KIF12: variants seen among roughly 807,000 people sequenced by gnomAD.
The protein encoded by KIF12 is kinesin family member 12.
In KIF12, 80 loss-of-function variants were observed where a neutral mutation model predicts 87.9. The observed-to-expected ratio is 0.91, with a 90% CI of 0.76 to 1.10. The LOEUF is 1.10. KIF12 is among the 50% of genes least tolerant of loss of function. The probability of loss-of-function intolerance (pLI) is 0.00; values close to 1 mark genes in which losing one functional copy is unlikely to be tolerated. For missense variants in KIF12, 819 were observed against 865.3 expected, an observed-to-expected ratio of 0.95 and a Z score of 0.67; for synonymous variants, 353 against 348.5, an observed-to-expected ratio of 1.01 and a Z score of -0.14.
Position 114,098,398 on chromosome 9 carries a change from G to C in KIF12, c.203C>G (p.Ala68Gly). ...GTCTAGCACCGCACCGAAGCGGAAC[G>C]CCACTTCTGGACCCCCGCCTGGAGG... is the stretch of plus-strand genomic sequence containing the variant. ...VSPPGGGPEV[A>G]FRFGAVLDAA... The change falls in exon 4 of 19, where the codon GCG becomes GGG. Residue 68 changes from alanine to glycine, a missense_variant. Coordinates refer to ENST00000640217, the MANE Select transcript of KIF12 (RefSeq NM_001388308.1). 1 of 1,512,034 alleles carries C rather than the reference G, an allele frequency of 6.6e-7. No individual in the cohort carries two copies. The highest frequency in any genetic ancestry group is 8.8e-7 in the Non-Finnish European group (1 of 1,136,800). 93.7% of individuals were successfully genotyped at this position (1,512,034 alleles called of 1,614,324 possible). A position where few individuals can be genotyped will look rare whatever the true frequency, so the allele number is the denominator to read the frequency against.
rs1265278492 is a variant in KIF12, at chr9:114,098,477, G to A, written c.172-48C>T. The A allele has an allele frequency of 3.3e-5, 46 of 1,411,338 alleles. No individual in the cohort carries two copies. In the East Asian group the frequency reaches 1.1e-3, roughly 33 times the overall value. 87.4% of individuals were successfully genotyped at this position (1,411,338 alleles called of 1,614,324 possible). The stretch of plus-strand genomic sequence containing the variant: ...GCGGGGCACTCTGGAGGAGGGCGGG[G>A]CACCCTGGAGGGGCGGGGCACCGTG... On this transcript the variant is annotated intron_variant, in intron 3 of 18. Transcript: ENST00000640217.
At chr9:114,098,900 T>C in intron 3 of KIF12, 35 bp downstream of exon 3, 1 of 1,537,446 alleles carries the variant, frequency 6.5e-7, no homozygotes, top group Non-Finnish European at 8.8e-7. Flanking sequence ...TCCCCGGGAT[T>C]TTTTATTGGG....
rs1588508331 is a variant in KIF12, at chr9:114,097,974, C to T, written c.375+141G>A. On this transcript the variant is annotated intron_variant, in intron 5 of 18. Coordinates refer to ENST00000640217, the MANE Select transcript of KIF12 (RefSeq NM_001388308.1). The stretch of plus-strand genomic sequence containing the variant: ...GGGCAAGTCCCTTCTCTTTGGTCCT[C>T]AGCGTCCTCGTCTGCAAACAAGCGG... 10 of 995,590 alleles carry T rather than the reference C, an allele frequency of 1.0e-5. No individual in the cohort carries two copies. The East Asian group carries it at 2.4e-4, about 24-fold the overall frequency. 61.7% of individuals were successfully genotyped at this position (995,590 alleles called of 1,614,324 possible). A position where few individuals can be genotyped will look rare whatever the true frequency, so the allele number is the denominator to read the frequency against.
intron 5 of KIF12, 152 bp from the exon 6 acceptor site, chr9:114,097,893 A>G: frequency 1.9e-6 from 2 of 1,058,008 alleles, no homozygotes; most frequent in Non-Finnish European, 2.7e-6. Flanking sequence ...CATTTTACAG[A>G]TGAGAAAACT....
rs1389414296 is a variant in KIF12 at position 114,092,396 on chromosome 9, C to T, written c.1753G>A (p.Glu585Lys). 3.1e-6 allele frequency: 5 copies of T among 1,612,980 alleles called. No homozygotes were observed. The South Asian group carries it at 5.5e-5, about 18-fold the overall frequency. Residue 585 changes from glutamate (E) to lysine (K), a missense_variant, in exon 18 of 19, where the codon GAG (glutamate) becomes AAG (lysine). Coordinates refer to ENST00000640217, the MANE Select transcript of KIF12 (RefSeq NM_001388308.1). ...AGGGGAGGTGCAGAAGGTACCACCT[C>T]CTCCTCCGTCAACATCTCTGCCAGG... ...RVLAEMLTEE[E>K]VVPSAPPLPV...
At position 114,092,469 on chromosome 9, in the gene KIF12, G is replaced by T. The variant is rs746117489; in HGVS notation, c.1698-18C>A. ...TGTGACTCCTGGGCCAGGGTGAGTT[G>T]GGAGATGGGAGGTGAGCCTTTGAGT... is the stretch of plus-strand genomic sequence containing the variant. On this transcript the variant is annotated intron_variant, in intron 17 of 18. Coordinates refer to ENST00000640217, the MANE Select transcript of KIF12 (RefSeq NM_001388308.1). 1 of 1,613,662 alleles carries T rather than the reference G, an allele frequency of 6.2e-7. No homozygotes were observed. The highest frequency in any genetic ancestry group is 2.2e-5 in the East Asian group (1 of 44,850).
rs745601999 is a variant in KIF12, at chr9:114,094,986, C to T, written c.1119+37G>A. On this transcript the variant is annotated intron_variant, in intron 11 of 18. Transcript: ENST00000640217. The stretch of plus-strand genomic sequence containing the variant: ...CTCCTGCCTGATCCCCCAGCATCTC[C>T]ACGCCTGTCCCTCAGCTTGTGCCTG... The T allele has an allele frequency of 2.7e-6, 4 of 1,506,308 alleles. No individual in the cohort carries two copies. In the South Asian group the frequency reaches 5.2e-5, roughly 20 times the overall value. 93.3% of individuals were successfully genotyped at this position (1,506,308 alleles called of 1,614,324 possible). A position where few individuals can be genotyped will look rare whatever the true frequency, so the allele number is the denominator to read the frequency against.
rs1175936204 is a variant in KIF12, at chr9:114,095,304, T to C, written c.924A>G (p.Pro308=). ...AAGGGATGTGGCTCTGCTTCCGCTG[T>C]GGGTCCAGCAGCAGGGAGATGCAGT... is the stretch of plus-strand genomic sequence containing the variant. ...LGHCISLLLD[P]QRKQSHIPFR... is the part of the protein sequence containing the mutation. Residue 308 remains proline, a synonymous_variant, in exon 10 of 19, where the codon CCA becomes CCG. Transcript: ENST00000640217. 4 of 1,613,666 alleles carry C rather than the reference T, an allele frequency of 2.5e-6. No individual in the cohort carries two copies. Among genetic ancestry groups the C allele is most frequent in the Non-Finnish European group, 3.4e-6 (4 of 1,180,018 alleles).
chr9:114,092,472 A>G, intron 17 of KIF12, 21 bp from the exon 18 acceptor site: 2 of 1,613,416 alleles, frequency 1.2e-6, no homozygotes, highest in South Asian at 2.2e-5. Flanking sequence ...GTGAGTTGGG[A>G]GATGGGAGGT....
chr9:114,091,835 C>A lies in KIF12; in HGVS notation c.*26G>T. On this transcript the variant is annotated 3_prime_UTR_variant, in exon 19 of 19. Coordinates refer to ENST00000640217, the MANE Select transcript of KIF12 (RefSeq NM_001388308.1). ...TGGAGCCCAGTCTGAGGTCACACAG[C>A]AGTCTCCTGGGTTCCCACTTGGCCT... 1 of 1,571,946 alleles carries A rather than the reference C, an allele frequency of 6.4e-7. No homozygotes were observed. Among genetic ancestry groups the A allele is most frequent in the Non-Finnish European group, 8.7e-7 (1 of 1,153,172 alleles).
chr9:114,094,557 C>T, intron 11 of KIF12, 102 bp from the exon 12 acceptor site: 1 of 686,522 alleles, frequency 1.5e-6, no homozygotes, highest in South Asian at 1.8e-5. Flanking sequence ...AAATCCAGCC[C>T]ATGCTTCATT....
Position 114,094,951 on chromosome 9 carries a change from C to T in KIF12, c.1119+72G>A. 2.3e-6 allele frequency: 3 copies of T among 1,333,292 alleles called. No homozygotes were observed. The South Asian group carries it at 4.3e-5, about 19-fold the overall frequency. The allele number at this position is 1,333,292 out of a possible 1,614,324, so 82.6% of individuals were successfully genotyped here. On this transcript the variant is annotated intron_variant, in intron 11 of 18. Transcript: ENST00000640217. The stretch of plus-strand genomic sequence containing the variant: ...AGTCCAAGACTTCAATCAAGGGACT[C>T]AGGCTCCAACTCCTGCCTGATCCCC...
Position 114,091,742 on chromosome 9 carries a change from C to G in KIF12, c.*119G>C. The G allele has an allele frequency of 8.9e-7, 1 of 1,119,822 alleles. No homozygotes were observed. 69.4% of individuals were successfully genotyped at this position (1,119,822 alleles called of 1,614,324 possible). A position where few individuals can be genotyped will look rare whatever the true frequency, so the allele number is the denominator to read the frequency against. ...TAGCACCCCCAGTCCCCGCCCCTAGCCCAGCTGCAGGTGGAGTAGCAGCTG... is the reference window on the plus strand; with the variant it reads ...TAGCACCCCCAGTCCCCGCCCCTAGGCCAGCTGCAGGTGGAGTAGCAGCTG... On this transcript the variant is annotated 3_prime_UTR_variant, in exon 19 of 19. Transcript: ENST00000640217.
Position 114,093,426 on chromosome 9 carries a change from G to T in KIF12, c.1472C>A (p.Ala491Asp). Reference protein sequence around the residue: ...GLTPPCPCLMAPAPPCHALPP... With the variant: ...GLTPPCPCLMDPAPPCHALPP... ...ACTCACATGGCAAGGGGGAGCTGGG[G>T]CCATCAAGCAGGGACACGGTGGGGT... is the stretch of plus-strand genomic sequence containing the variant. Residue 491 changes from alanine to aspartate, a missense_variant, in exon 15 of 19, where the codon GCC becomes GAC. By Grantham distance (126) the Ala-to-Asp change is moderately radical (BLOSUM62 -2). Transcript: ENST00000640217. 6.4e-7 allele frequency: 1 copy of T among 1,568,946 alleles called. No homozygotes were observed. The highest frequency in any genetic ancestry group is 8.6e-7 in the Non-Finnish European group (1 of 1,156,592).
chr9:114,098,257 G>C (rs778278426), intron 4 of KIF12, 45 bp downstream of exon 4: 17 of 1,508,308 alleles, frequency 1.1e-5, no homozygotes, highest in African/African-American at 5.8e-5. Flanking sequence ...GGTGCTTCGG[G>C]GCCCCGCCAG....
rs1847025364 is a variant in KIF12, at chr9:114,092,223, C to CCT, written c.1816+108_1816+109dup. 4.0e-6 allele frequency: 6 copies of CCT among 1,485,268 alleles called. No individual in the cohort carries two copies. In the African/African-American group the frequency reaches 7.0e-5, roughly 17 times the overall value. The allele number at this position is 1,485,268 out of a possible 1,614,324, so 92.0% of individuals were successfully genotyped here. On this transcript the variant is annotated intron_variant, in intron 18 of 18. Coordinates refer to ENST00000640217, the MANE Select transcript of KIF12 (RefSeq NM_001388308.1). ...GGAAGTAGAAAGATCTTAGAAGCCA[C>CCT]CTCTCAACACCCACCCCATTTCAGA...
At position 114,096,018 on chromosome 9, in the gene KIF12, C is replaced by T. The variant is rs371783146; in HGVS notation, c.895+33G>A. Reference sequence around the variant, plus strand: ...CTGTGAGCCAGGCACAGAGGAGAGACAGGAAATCACACCGGTGGCCCCCAG... The same window carrying T: ...CTGTGAGCCAGGCACAGAGGAGAGATAGGAAATCACACCGGTGGCCCCCAG... On this transcript the variant is annotated intron_variant, in intron 9 of 18. Transcript: ENST00000640217. 5.0e-6 allele frequency: 8 copies of T among 1,585,848 alleles called. 1 individual carries two copies. The African/African-American group carries it at 6.7e-5, about 13-fold the overall frequency.
chr9:114,098,025 T>C (rs1164643095), intron 5 of KIF12, 90 bp downstream of exon 5: 23 of 1,289,602 alleles, frequency 1.8e-5, no homozygotes, highest in South Asian at 4.4e-5. Flanking sequence ...CCCAGCCCCT[T>C]CCCTCTGGGA....
chr9:114,098,393 G>C lies in KIF12; in HGVS notation c.208C>G (p.Arg70Gly), dbSNP rs1016192448. The change falls in exon 4 of 19, where the codon CGC (arginine) becomes GGC (glycine). Residue 70 changes from arginine to glycine, a missense_variant. Coordinates refer to ENST00000640217, the MANE Select transcript of KIF12 (RefSeq NM_001388308.1). ...GCCGCGTCTAGCACCGCACCGAAGC[G>C]GAACGCCACTTCTGGACCCCCGCCT... ...PPGGGPEVAF[R>G]FGAVLDAART... The C allele has an allele frequency of 6.6e-7, 1 of 1,512,190 alleles. No homozygotes were observed. Among genetic ancestry groups the C allele is most frequent in the South Asian group, 1.2e-5 (1 of 81,688 alleles). 93.7% of individuals were successfully genotyped at this position (1,512,190 alleles called of 1,614,324 possible).
Sources: gnomAD v4.1 joint callset for allele counts on GRCh38, gnomAD v4.1.1 for gene constraint, MANE v1.5 for transcripts, NCBI Gene and HGNC (gene_info 2026-07-23, HGNC 2026-07-21) for gene names.